BCL2: variants seen among roughly 807,000 people sequenced by gnomAD.
BCL2 encodes BCL2 apoptosis regulator, also known as apoptosis regulator Bcl-2.
A neutral mutation model predicts 14.2 loss-of-function variants in BCL2; 1 was observed. That is an observed-to-expected ratio of 0.07 (90% confidence interval 0.02 to 0.33). The LOEUF is 0.33. Among genes scored for constraint, BCL2 ranks in the 10% least tolerant of loss-of-function variants. The probability of loss-of-function intolerance (pLI) is 0.99; values close to 1 mark genes in which losing one functional copy is unlikely to be tolerated. For synonymous variants in BCL2, 151 were observed against 137.2 expected (o/e 1.10, Z -0.70); for missense variants, 247 against 305.9 (o/e 0.81, Z 1.44).
chr18:63,147,091 G>A lies in BCL2; in HGVS notation c.586-18332C>T, dbSNP rs993877261. On this transcript the variant is annotated intron_variant, in intron 2 of 2. Coordinates refer to ENST00000333681, the MANE Select transcript of BCL2 (RefSeq NM_000633.3). ...ATCATGTTATCCTAGATTTATAACCGGATAAGCTGGTCTGTTCTGATGTCT... is the reference window on the plus strand; with the variant it reads ...ATCATGTTATCCTAGATTTATAACCAGATAAGCTGGTCTGTTCTGATGTCT... Among the ~76,000 whole-genome samples, 7 of 152,170 alleles carry A rather than the reference G, an allele frequency of 4.6e-5. No homozygotes were observed. In the East Asian group the frequency reaches 5.8e-4, roughly 13 times the overall value.
intron 2 of BCL2, among the ~76,000 whole-genome samples, chr18:63,193,582 ATG>A (rs201003163): frequency 0.034 from 4,684 of 139,094 alleles, 128 homozygotes; most frequent in African/African-American, 0.084. Flanking sequence ...AGTAGTATGT[ATG>A]TGTGTGTGTG....
intron 2 of BCL2, among the ~76,000 whole-genome samples, chr18:63,142,097 T>C (rs1914381836): frequency 6.6e-6 from 1 of 152,100 alleles, no homozygotes; most frequent in Non-Finnish European, 1.5e-5. Context: ...GGGCCAGAGT[T>C]AGGGGCCAAA....
At chr18:63,228,613 C>T (rs1186613340) in intron 2 of BCL2, among the ~76,000 whole-genome samples, 1 of 152,064 alleles carries the variant, frequency 6.6e-6, no homozygotes, top group Non-Finnish European at 1.5e-5. Flanking sequence ...TTAGGACATT[C>T]CTTAAAAACA....
At chr18:63,208,948 G>A (rs534273905) in intron 2 of BCL2, among the ~76,000 whole-genome samples, 40 of 152,262 alleles carry the variant, frequency 2.6e-4, no homozygotes, top group Non-Finnish European at 4.3e-4. Flanking sequence ...TGACCTCCAC[G>A]TGCCACTGCT....
intron 2 of BCL2, among the ~76,000 whole-genome samples, chr18:63,218,765 T>TACTCATCCCCCTCA (rs1910294561): frequency 2.1e-4 from 1 of 4,750 alleles, no homozygotes; most frequent in Non-Finnish European, 4.1e-4. Context: ...CATCCCCCTC[T>TACTCATCCCCCTCA]ACTCATCCCC....
intron 2 of BCL2, among the ~76,000 whole-genome samples, chr18:63,170,898 A>G (rs1443084255): frequency 6.6e-6 from 1 of 152,262 alleles, no homozygotes; most frequent in African/African-American, 2.4e-5. Context: ...ATAGAGAGTT[A>G]CACCAATCGA....
intron 2 of BCL2, among the ~76,000 whole-genome samples, chr18:63,159,312 G>A (rs1257237115): frequency 6.6e-6 from 1 of 152,126 alleles, no homozygotes; most frequent in Non-Finnish European, 1.5e-5. Context: ...GAAAGGAAGC[G>A]TACCTTCGCC....
intron 2 of BCL2, among the ~76,000 whole-genome samples, chr18:63,233,466 T>C (rs1318776399): frequency 6.6e-6 from 1 of 152,172 alleles, no homozygotes; most frequent in Non-Finnish European, 1.5e-5. Flanking sequence ...AGACAGTTTT[T>C]CCATAGACGG....
chr18:63,190,102 C>T (rs1909248313), intron 2 of BCL2, among the ~76,000 whole-genome samples: 3 of 152,168 alleles, frequency 2.0e-5, no homozygotes, highest in Non-Finnish European at 4.4e-5. Context: ...CTCTTCACTT[C>T]ACTCTCACTG....
chr18:63,299,815 C>CTT (rs71162622), intron 2 of BCL2, among the ~76,000 whole-genome samples: 44,795 of 141,712 alleles, frequency 0.32, 8,578 homozygotes, highest in Non-Finnish European at 0.43. Flanking sequence ...TTTTCTTTTT[C>CTT]TTTTTTTTTT....
intron 2 of BCL2, among the ~76,000 whole-genome samples, chr18:63,131,546 C>T (rs1385047332): frequency 2.0e-5 from 3 of 152,198 alleles, no homozygotes; most frequent in Non-Finnish European, 4.4e-5. Flanking sequence ...CAGGGAGCAA[C>T]CCAAGACATC....
chr18:63,223,282 C>A (rs981553225), intron 2 of BCL2, among the ~76,000 whole-genome samples: 1 of 152,074 alleles, frequency 6.6e-6, no homozygotes, highest in African/African-American at 2.4e-5. Flanking sequence ...CACCTGTAGT[C>A]CCAGCTACTT....
chr18:63,310,812 C>A (rs749276504), intron 2 of BCL2, among the ~76,000 whole-genome samples: 6 of 152,174 alleles, frequency 3.9e-5, no homozygotes, highest in Non-Finnish European at 5.9e-5. Flanking sequence ...TTCTTCAAAT[C>A]ATTTTCTTCT....
intron 2 of BCL2, among the ~76,000 whole-genome samples, chr18:63,228,712 AT>A (rs35558540): frequency 0.66 from 97,973 of 147,560 alleles, 33,084 homozygotes; most frequent in Middle Eastern, 0.77. Context: ...GCCAAAAGCA[AT>A]TTTTTTTTTT....
chr18:63,286,993 A>G (rs952305875), intron 2 of BCL2, among the ~76,000 whole-genome samples: 1 of 152,054 alleles, frequency 6.6e-6, no homozygotes, highest in African/African-American at 2.4e-5. Context: ...CAACAGCAAA[A>G]CTGTCCCAAA....
At chr18:63,130,699 T>C (rs190769989) in intron 2 of BCL2, among the ~76,000 whole-genome samples, 15 of 152,334 alleles carry the variant, frequency 9.8e-5, no homozygotes, top group African/African-American at 3.6e-4. Flanking sequence ...TTTAAAAAAT[T>C]CATGTTTATA....
chr18:63,283,568 T>C lies in BCL2; in HGVS notation c.585+34514A>G, dbSNP rs1319046776. On this transcript the variant is annotated intron_variant, in intron 2 of 2. Transcript: ENST00000333681. ...GTATCTGCGCTTCTTCTTTTTAAAG[T>C]TTTAAACAAATAATCACTGAACAAA... Among the ~76,000 whole-genome samples, 11 of 152,278 alleles carry C rather than the reference T, an allele frequency of 7.2e-5. No homozygotes were observed. In the East Asian group the frequency reaches 1.9e-3, roughly 27 times the overall value.
At chr18:63,181,136 T>G (rs533582477) in intron 2 of BCL2, among the ~76,000 whole-genome samples, 6 of 152,294 alleles carry the variant, frequency 3.9e-5, no homozygotes, top group Non-Finnish European at 8.8e-5. Flanking sequence ...CCACCAGAAA[T>G]GAAAAAGCGT....
chr18:63,270,902 C>G (rs1911986923), intron 2 of BCL2, among the ~76,000 whole-genome samples: 1 of 152,042 alleles, frequency 6.6e-6, no homozygotes, highest in Admixed American at 6.5e-5. Flanking sequence ...ATTTTGACCT[C>G]CGCCTCTCAA....
Sources: gnomAD v4.1 joint callset for allele counts (sites outside exome capture counted in the v4.1 genomes callset) on GRCh38, gnomAD v4.1.1 for gene constraint, MANE v1.5 for transcripts, NCBI Gene and HGNC (gene_info 2026-07-23, HGNC 2026-07-21) for gene names.